The following SENP7 variants were observed in gnomAD, a reference collection of about 807,000 sequenced individuals.
SENP7 encodes the protein sentrin-specific protease 7.
In SENP7, 64 loss-of-function variants were observed where a neutral mutation model predicts 141.2. The ratio of observed to expected loss-of-function variants is 0.45; its 90% CI spans 0.37 to 0.56. SENP7 has a LOEUF of 0.56. Among genes scored for constraint, SENP7 ranks in the 20% least tolerant of loss-of-function variants. The probability of loss-of-function intolerance (pLI) is 0.00; values close to 1 mark genes in which losing one functional copy is unlikely to be tolerated. For synonymous variants in SENP7, 382 were observed against 426.4 expected, an observed-to-expected ratio of 0.90 and a Z score of 1.28; for missense variants, 1,025 against 1,212.2, an observed-to-expected ratio of 0.85 and a Z score of 2.29.
At chr3:101,337,107 AAG>A (rs1180311521) in intron 17 of SENP7, 4 of 153,032 alleles carry the variant, frequency 2.6e-5, no homozygotes, top group South Asian at 2.1e-4. Context: ...GTAGAGGGCA[AAG>A]AGAGGAAGCA....
chr3:101,396,141 C>T (rs1467348706), intron 6 of SENP7, among the ~76,000 whole-genome samples: 2 of 152,144 alleles, frequency 1.3e-5, no homozygotes, highest in African/African-American at 4.8e-5. Context: ...AAAATTGTCA[C>T]TAAGGGAATG....
intron 10 of SENP7, among the ~76,000 whole-genome samples, chr3:101,364,611 G>T (rs2059987753): frequency 6.6e-6 from 1 of 152,112 alleles, no homozygotes. Context: ...AGACTATTCA[G>T]ACTGAAAAAT....
At chr3:101,336,790 C>T (rs1456363349) in intron 17 of SENP7, among the ~76,000 whole-genome samples, 1 of 152,188 alleles carries the variant, frequency 6.6e-6, no homozygotes, top group African/African-American at 2.4e-5. Context: ...GAAATACCTC[C>T]TTTTTGCCTA....
chr3:101,422,901 AC>A lies in SENP7; in HGVS notation c.285-5112del, dbSNP rs1427142041. ...ACCTCAATTTTTTAAAAATTTTTCA[AC>A]AAAAGTAGTTTATCAATGAATACAT... is the stretch of plus-strand genomic sequence containing the variant. On this transcript the variant is annotated intron_variant, in intron 4 of 23. Coordinates refer to ENST00000394095, the MANE Select transcript of SENP7 (RefSeq NM_020654.5). Among the ~76,000 whole-genome samples, 8 of 152,328 alleles carry A rather than the reference AC, an allele frequency of 5.3e-5. 1 individual carries two copies. The highest frequency in any genetic ancestry group is 1.7e-4 in the African/African-American group (7 of 41,566).
At chr3:101,473,004 C>T (rs191724933) in intron 3 of SENP7, among the ~76,000 whole-genome samples, 48 of 152,264 alleles carry the variant, frequency 3.2e-4, no homozygotes, top group Admixed American at 7.9e-4. Flanking sequence ...TGAGAACATG[C>T]AGTGTTTGGT....
chr3:101,380,420 G>A (rs1016158493), intron 6 of SENP7, among the ~76,000 whole-genome samples: 46 of 89,048 alleles, frequency 5.2e-4, no homozygotes, highest in African/African-American at 2.1e-3. Flanking sequence ...CTTCTAGAAC[G>A]TAAAGCAAAC....
intron 3 of SENP7, among the ~76,000 whole-genome samples, chr3:101,488,435 A>G (rs532738681): frequency 2.0e-5 from 3 of 152,368 alleles, no homozygotes; most frequent in Non-Finnish European, 4.4e-5. Flanking sequence ...TTATGTAAAG[A>G]GACTAAATCT....
At chr3:101,402,605 A>C (rs1322211779) in intron 5 of SENP7, among the ~76,000 whole-genome samples, 1 of 111,452 alleles carries the variant, frequency 9.0e-6, no homozygotes, top group African/African-American at 3.6e-5. Context: ...CGACAGAGCA[A>C]GACTCCGTCT....
At chr3:101,356,616 C>A (rs1306613005) in intron 11 of SENP7, among the ~76,000 whole-genome samples, 1 of 151,876 alleles carries the variant, frequency 6.6e-6, no homozygotes, top group Non-Finnish European at 1.5e-5. Context: ...ACTGTAAATT[C>A]TTTGATATTT....
chr3:101,361,624 ATTC>A, intron 11 of SENP7, 88 bp downstream of exon 11: 7 of 1,275,540 alleles, frequency 5.5e-6, no homozygotes, highest in Non-Finnish European at 7.2e-6. Flanking sequence ...TCTTAATTCT[ATTC>A]TTATTTGTGC....
chr3:101,451,296 A>G, intron 4 of SENP7, among the ~76,000 whole-genome samples: 1 of 152,224 alleles, frequency 6.6e-6, no homozygotes, highest in Non-Finnish European at 1.5e-5. Flanking sequence ...TACAAAGAGA[A>G]GCTGGTACCA....
intron 10 of SENP7, among the ~76,000 whole-genome samples, chr3:101,364,454 T>C (rs767335282): frequency 2.2e-4 from 34 of 152,274 alleles, no homozygotes; most frequent in Non-Finnish European, 2.6e-4. Context: ...CATACTGCCT[T>C]CATAGTATGT....
intron 3 of SENP7, among the ~76,000 whole-genome samples, chr3:101,464,058 T>C (rs977151427): frequency 3.3e-5 from 5 of 152,048 alleles, no homozygotes; most frequent in Non-Finnish European, 7.4e-5. Context: ...ACTCATGACT[T>C]CAGGTGATCC....
intron 3 of SENP7, among the ~76,000 whole-genome samples, chr3:101,481,058 A>G (rs966178623): frequency 6.6e-5 from 10 of 151,788 alleles, no homozygotes; most frequent in African/African-American, 1.7e-4. Flanking sequence ...ATTATGAAAA[A>G]CAGTATGGAG....
At chr3:101,418,584 A>G (rs1356451741) in intron 4 of SENP7, among the ~76,000 whole-genome samples, 2 of 152,148 alleles carry the variant, frequency 1.3e-5, no homozygotes, top group Admixed American at 1.3e-4. Flanking sequence ...ACTACCTATG[A>G]AACAGTTTTA....
At position 101,439,131 on chromosome 3, in the gene SENP7, G is replaced by A. The variant is rs1484114261; in HGVS notation, c.284+19824C>T. Among the ~76,000 whole-genome samples, 128 of 110,732 alleles carry A rather than the reference G, an allele frequency of 1.2e-3. 1 individual carries two copies. Among genetic ancestry groups the A allele is most frequent in the Middle Eastern group, 3.9e-3 (1 of 254 alleles). 72.6% of individuals were successfully genotyped at this position (110,732 alleles called of 152,430 possible). Reference sequence around the variant, plus strand: ...CCATCACATCTAGGAAGTGAGGAGCGTCTCTGCCCGGCCGCCCATCGTCTG... The same window carrying A: ...CCATCACATCTAGGAAGTGAGGAGCATCTCTGCCCGGCCGCCCATCGTCTG... On this transcript the variant is annotated intron_variant, in intron 4 of 23. Transcript: ENST00000394095.
intron 3 of SENP7, among the ~76,000 whole-genome samples, chr3:101,488,272 G>T (rs189740747): frequency 1.3e-5 from 2 of 152,134 alleles, no homozygotes; most frequent in Non-Finnish European, 2.9e-5. Flanking sequence ...ACATTATTTG[G>T]TGTCTAGAAA....
intron 4 of SENP7, among the ~76,000 whole-genome samples, chr3:101,432,120 C>G (rs12638137): frequency 1.3e-5 from 2 of 151,966 alleles, no homozygotes; most frequent in Non-Finnish European, 1.5e-5. Context: ...TAAGAGATTT[C>G]GGGCCTTAAG....
At chr3:101,506,038 T>TTTA (rs1559924658) in intron 1 of SENP7, among the ~76,000 whole-genome samples, 2 of 151,022 alleles carry the variant, frequency 1.3e-5, no homozygotes, top group African/African-American at 2.4e-5. Flanking sequence ...TTTTTTTTTT[T>TTTA]GAGACGGAGT....
Sources: allele counts gnomAD v4.1 joint callset (sites outside exome capture counted in the v4.1 genomes callset), GRCh38; gene constraint gnomAD v4.1.1; transcripts MANE v1.5; gene names NCBI Gene and HGNC (gene_info 2026-07-23, HGNC 2026-07-21).